FYN: variants seen among roughly 807,000 people sequenced by gnomAD.
FYN encodes the protein FYN proto-oncogene, Src family tyrosine kinase, also known as tyrosine-protein kinase Fyn.
A neutral mutation model predicts 70.2 loss-of-function variants in FYN; 10 were observed. The observed-to-expected ratio is 0.14, with a 90% CI of 0.09 to 0.24. The LOEUF is 0.24. Among genes scored for constraint, FYN ranks in the 10% least tolerant of loss-of-function variants. FYN has a pLI of 1.00. For missense variants in FYN, 319 were observed against 673.1 expected, an observed-to-expected ratio of 0.47 and a Z score of 5.82; for synonymous variants, 236 against 248.6, an observed-to-expected ratio of 0.95 and a Z score of 0.48.
chr6:111,814,678 C>A (rs904895559), intron 2 of FYN, among the ~76,000 whole-genome samples: 1 of 152,036 alleles, frequency 6.6e-6, no homozygotes, highest in African/African-American at 2.4e-5. Flanking sequence ...ATGCCAAACA[C>A]AATACATATT....
chr6:111,832,808 T>C (rs1583479513), intron 2 of FYN, among the ~76,000 whole-genome samples: 1 of 152,150 alleles, frequency 6.6e-6, no homozygotes, highest in South Asian at 2.1e-4. Context: ...AGTCAATATA[T>C]AATTAAAAAC....
At chr6:111,713,417 A>C (rs1800478368) in intron 5 of FYN, among the ~76,000 whole-genome samples, 1 of 152,140 alleles carries the variant, frequency 6.6e-6, no homozygotes, top group South Asian at 2.1e-4. Context: ...AGGAGAAGCA[A>C]CCAGACTTGG....
intron 3 of FYN, among the ~76,000 whole-genome samples, chr6:111,770,316 T>C (rs1803397234): frequency 6.6e-6 from 1 of 152,242 alleles, no homozygotes; most frequent in East Asian, 1.9e-4. Context: ...CATTCTACTT[T>C]CTTCTAAACT....
chr6:111,808,357 G>C (rs1772217976), intron 2 of FYN, among the ~76,000 whole-genome samples: 1 of 152,170 alleles, frequency 6.6e-6, no homozygotes. Flanking sequence ...AAACAGGTAG[G>C]GTGGCTCTGT....
intron 1 of FYN, among the ~76,000 whole-genome samples, chr6:111,861,393 G>A (rs1365405030): frequency 2.6e-5 from 4 of 152,190 alleles, no homozygotes; most frequent in South Asian, 4.1e-4. Context: ...TTGTCAAAGT[G>A]CCATGTGATC....
chr6:111,808,360 G>T (rs1322250370), intron 2 of FYN, among the ~76,000 whole-genome samples: 1 of 152,184 alleles, frequency 6.6e-6, no homozygotes, highest in African/African-American at 2.4e-5. Context: ...CAGGTAGGGT[G>T]GCTCTGTTAT....
At chr6:111,860,204 G>A (rs183234277) in intron 1 of FYN, among the ~76,000 whole-genome samples, 205 of 152,216 alleles carry the variant, frequency 1.3e-3, no homozygotes, top group Non-Finnish European at 2.5e-3. Context: ...TGGCAGTCCC[G>A]GGAAACCAGT....
At chr6:111,700,477 G>A (rs879337392) in intron 8 of FYN, among the ~76,000 whole-genome samples, 9 of 152,136 alleles carry the variant, frequency 5.9e-5, no homozygotes, top group Non-Finnish European at 7.3e-5. Flanking sequence ...CACACACGGT[G>A]GAAGATCAGA....
chr6:111,864,455 G>T (rs184149577), intron 1 of FYN, among the ~76,000 whole-genome samples: 213 of 152,234 alleles, frequency 1.4e-3, no homozygotes, highest in African/African-American at 4.8e-3. Context: ...TCATAAAATA[G>T]AGTCCCTGAC....
chr6:111,778,497 C>T (rs1013698324), intron 3 of FYN, among the ~76,000 whole-genome samples: 2 of 152,088 alleles, frequency 1.3e-5, no homozygotes, highest in African/African-American at 2.4e-5. Flanking sequence ...GACTAGATTG[C>T]TTTTCTTTCC....
At chr6:111,672,825 T>C (rs977280091) in intron 13 of FYN, among the ~76,000 whole-genome samples, 20 of 152,226 alleles carry the variant, frequency 1.3e-4, no homozygotes, top group African/African-American at 4.3e-4. Flanking sequence ...GAATGAATCC[T>C]GGTCTAAGTG....
intron 1 of FYN, among the ~76,000 whole-genome samples, chr6:111,862,577 T>C (rs1311133229): frequency 6.6e-6 from 1 of 152,150 alleles, no homozygotes; most frequent in Non-Finnish European, 1.5e-5. Flanking sequence ...AATGACAGTG[T>C]GCTACGTGCC....
intron 6 of FYN, among the ~76,000 whole-genome samples, chr6:111,706,355 C>T (rs1264613411): frequency 6.6e-6 from 1 of 152,180 alleles, no homozygotes; most frequent in East Asian, 1.9e-4. Flanking sequence ...ATTCATTATG[C>T]TTGAATATAG....
At chr6:111,668,694 A>G (rs1798120944) in intron 13 of FYN, among the ~76,000 whole-genome samples, 1 of 152,066 alleles carries the variant, frequency 6.6e-6, no homozygotes. Flanking sequence ...ATGCTGGCCA[A>G]GAGAAATCTT....
intron 2 of FYN, among the ~76,000 whole-genome samples, chr6:111,810,418 G>C (rs1309015427): frequency 6.6e-6 from 1 of 152,128 alleles, no homozygotes; most frequent in Non-Finnish European, 1.5e-5. Flanking sequence ...TGTCGGTCTG[G>C]TAAAAATACT....
At chr6:111,746,678 G>C (rs537353155) in intron 3 of FYN, among the ~76,000 whole-genome samples, 1 of 152,286 alleles carries the variant, frequency 6.6e-6, no homozygotes, top group Non-Finnish European at 1.5e-5. Flanking sequence ...GAAAAGGCAT[G>C]GGTGTGTAAG....
chr6:111,754,058 A>T lies in FYN; in HGVS notation c.-12+26508T>A, dbSNP rs192045468. Among the ~76,000 whole-genome samples, 9 of 152,320 alleles carry T rather than the reference A, an allele frequency of 5.9e-5. No homozygotes were observed. The East Asian group carries it at 1.5e-3, about 26-fold the overall frequency. ...ATTCTATCCATTCTAGTAAGACTGA[A>T]CTTTGATTTTTTTAAATGCAATGAT... On this transcript the variant is annotated intron_variant, in intron 3 of 13. Coordinates refer to ENST00000354650, the MANE Select transcript of FYN (RefSeq NM_002037.5).
chr6:111,685,231 C>T (rs1413154098), intron 12 of FYN, among the ~76,000 whole-genome samples: 1 of 152,206 alleles, frequency 6.6e-6, no homozygotes, highest in Non-Finnish European at 1.5e-5. Flanking sequence ...AAGAATCCAG[C>T]CACCCCCAGA....
At chr6:111,838,603 T>C (rs1376224438) in intron 2 of FYN, among the ~76,000 whole-genome samples, 1 of 152,216 alleles carries the variant, frequency 6.6e-6, no homozygotes, top group Admixed American at 6.5e-5. Context: ...AAGATGTGCT[T>C]ATAGCAGTCA....
Sources: gnomAD v4.1 joint callset for allele counts (sites outside exome capture counted in the v4.1 genomes callset) on GRCh38, gnomAD v4.1.1 for gene constraint, MANE v1.5 for transcripts, NCBI Gene and HGNC (gene_info 2026-07-23, HGNC 2026-07-21) for gene names.